Variants in NRXN3 observed in about 807,000 individuals in gnomAD.
NRXN3 encodes the protein neurexin 3, also known as neurexin III.
A neutral mutation model predicts 137.6 loss-of-function variants in NRXN3; 32 were observed. The ratio of observed to expected loss-of-function variants is 0.23; its 90% confidence interval spans 0.18 to 0.31. The LOEUF (loss-of-function observed/expected upper bound fraction) is 0.31, where lower values mean the gene tolerates loss of function less well. Ranked by LOEUF, NRXN3 falls within the 10% of genes least tolerant of loss-of-function variation. The pLI, the probability that NRXN3 is intolerant of heterozygous loss-of-function variation, is 1.00. For synonymous variants in NRXN3, 798 were observed against 784.5 expected, an observed-to-expected ratio of 1.02 and a Z score of -0.29; for missense variants, 1,574 against 2,062.5, an observed-to-expected ratio of 0.76 and a Z score of 4.59.
intron 4 of NRXN3, among the ~76,000 whole-genome samples, chr14:78,530,077 CA>C (rs1373724985): frequency 1.3e-5 from 2 of 152,158 alleles, no homozygotes; most frequent in East Asian, 3.8e-4. Flanking sequence ...CCAAAAGCCC[CA>C]CATTTCATAG....
intron 10 of NRXN3, among the ~76,000 whole-genome samples, chr14:78,851,051 C>T (rs1051553736): frequency 2.0e-5 from 3 of 152,086 alleles, no homozygotes; most frequent in Non-Finnish European, 4.4e-5. Context: ...TTTTGTAAAA[C>T]CTTTTATTTC....
At chr14:78,441,338 G>A (rs1391484711) in intron 4 of NRXN3, among the ~76,000 whole-genome samples, 1 of 151,864 alleles carries the variant, frequency 6.6e-6, no homozygotes, top group African/African-American at 2.4e-5. Flanking sequence ...CTTTGTTCTT[G>A]CAATTTCCTT....
intron 8 of NRXN3, among the ~76,000 whole-genome samples, chr14:78,746,545 A>T (rs2098608356): frequency 6.6e-6 from 1 of 152,188 alleles, no homozygotes; most frequent in Non-Finnish European, 1.5e-5. Context: ...GATGTGTCAA[A>T]ATGGGAGTCC....
At chr14:79,331,360 A>G (rs2091656397) in intron 15 of NRXN3, among the ~76,000 whole-genome samples, 1 of 152,188 alleles carries the variant, frequency 6.6e-6, no homozygotes, top group Admixed American at 6.5e-5. Context: ...TATTTGGTCA[A>G]ATGTTCTGCA....
intron 19 of NRXN3, among the ~76,000 whole-genome samples, chr14:79,706,835 T>C (rs954631389): frequency 6.6e-6 from 1 of 152,220 alleles, no homozygotes; most frequent in African/African-American, 2.4e-5. Context: ...GAACATCTGC[T>C]TCTTAGAGCT....
chr14:79,360,753 G>C (rs1031879104), intron 15 of NRXN3, among the ~76,000 whole-genome samples: 1 of 152,176 alleles, frequency 6.6e-6, no homozygotes. Context: ...GAAATTAAAA[G>C]GGTGGGAGAA....
At chr14:79,823,689 C>A (rs1206662515) in intron 20 of NRXN3, among the ~76,000 whole-genome samples, 1 of 152,118 alleles carries the variant, frequency 6.6e-6, no homozygotes, top group Non-Finnish European at 1.5e-5. Context: ...ACTAGGAGAC[C>A]AGCAAGGGAA....
At chr14:79,846,210 T>A (rs1318255775) in intron 20 of NRXN3, among the ~76,000 whole-genome samples, 2 of 152,128 alleles carry the variant, frequency 1.3e-5, no homozygotes, top group Non-Finnish European at 2.9e-5. Flanking sequence ...GCCAGAAACG[T>A]TCAATTTATT....
rs183721231 is a variant in NRXN3 at position 79,297,985 on chromosome 14, T to C, written c.3263-169236T>C. Among the ~76,000 whole-genome samples, 81 of 152,242 alleles carry C rather than the reference T, an allele frequency of 5.3e-4. 1 individual carries two copies. The highest frequency in any genetic ancestry group is 1.9e-3 in the African/African-American group (80 of 41,584). ...GACAGCCATTTAATTATCACTTTTC[T>C]TTATAAATTCAATTACATTTCCCAG... On this transcript the variant is annotated intron_variant, in intron 15 of 20. Transcript: ENST00000335750.
chr14:79,602,755 G>A (rs1243237591), intron 16 of NRXN3, among the ~76,000 whole-genome samples: 5 of 149,670 alleles, frequency 3.3e-5, no homozygotes, highest in African/African-American at 9.8e-5. Context: ...TTTTCCTATC[G>A]CTTTCTTTAA....
chr14:79,529,021 G>C (rs983197484), intron 16 of NRXN3, among the ~76,000 whole-genome samples: 43 of 152,100 alleles, frequency 2.8e-4, no homozygotes, highest in Non-Finnish European at 5.1e-4. Context: ...GCTTACCAGA[G>C]GACCATTCTC....
At chr14:78,627,889 T>A (rs1601585016) in intron 4 of NRXN3, among the ~76,000 whole-genome samples, 1 of 152,164 alleles carries the variant, frequency 6.6e-6, no homozygotes, top group Non-Finnish European at 1.5e-5. Context: ...TGAAAACCAG[T>A]TAATTCCTTT....
At chr14:78,381,226 G>T (rs1336237499) in intron 4 of NRXN3, among the ~76,000 whole-genome samples, 1 of 152,080 alleles carries the variant, frequency 6.6e-6, no homozygotes, top group Non-Finnish European at 1.5e-5. Flanking sequence ...AAGTTCTAGG[G>T]CTAACCAAAG....
chr14:79,156,519 A>G (rs2060267974), intron 15 of NRXN3, among the ~76,000 whole-genome samples: 1 of 150,990 alleles, frequency 6.6e-6, no homozygotes, highest in Admixed American at 6.6e-5. Context: ...ACAAAAATAA[A>G]CAATGACAAA....
chr14:79,481,627 T>G (rs992138282), intron 16 of NRXN3, among the ~76,000 whole-genome samples: 1 of 152,166 alleles, frequency 6.6e-6, no homozygotes, highest in Non-Finnish European at 1.5e-5. Flanking sequence ...AACAACCCAG[T>G]GGGTTCTGTT....
intron 15 of NRXN3, among the ~76,000 whole-genome samples, chr14:79,133,390 A>G (rs2127451): frequency 0.018 from 2,677 of 152,054 alleles, 75 homozygotes; most frequent in African/African-American, 0.062. Context: ...CCCAGCCGTA[A>G]TTGGAGACCA....
chr14:79,676,488 T>G (rs1481123527), intron 17 of NRXN3, among the ~76,000 whole-genome samples: 1 of 151,886 alleles, frequency 6.6e-6, no homozygotes. Context: ...GATGAATAAG[T>G]CTAGAGATCT....
chr14:79,718,683 A>AG (rs1025560736), intron 19 of NRXN3, among the ~76,000 whole-genome samples: 4 of 52,026 alleles, frequency 7.7e-5, no homozygotes, highest in Non-Finnish European at 1.5e-4. Context: ...GCTAAATCTC[A>AG]AAACTTTAAA....
rs540593341 is a variant in NRXN3, at chr14:78,535,453, G to C, written c.758-109667G>C. ...TTGGTGTTAGAAAGACCTAATTTCT[G>C]GTCCTGACTTTGCCACTTTACTAAT... On this transcript the variant is annotated intron_variant, in intron 4 of 20. Transcript: ENST00000335750. Among the ~76,000 whole-genome samples the C allele has an allele frequency of 3.3e-5, 5 of 152,288 alleles. No homozygotes were observed. The South Asian group carries it at 1.0e-3, about 32-fold the overall frequency.
Sources: gnomAD v4.1 joint callset for allele counts (sites outside exome capture counted in the v4.1 genomes callset) on GRCh38, gnomAD v4.1.1 for gene constraint, MANE v1.5 for transcripts, NCBI Gene and HGNC (gene_info 2026-07-23, HGNC 2026-07-21) for gene names.